FGFR1OP2: variants seen among roughly 807,000 people sequenced by gnomAD.
The protein encoded by FGFR1OP2 is FGFR1 oncogene partner 2.
In FGFR1OP2, 17 loss-of-function variants were observed where a neutral mutation model predicts 35.2. The observed-to-expected ratio is 0.48, with a 90% CI of 0.33 to 0.73. The LOEUF is 0.73. Ranked by LOEUF, FGFR1OP2 falls within the 30% of genes least tolerant of loss-of-function variation. FGFR1OP2 has a pLI of 0.02. For missense variants in FGFR1OP2, 251 were observed against 307.3 expected (o/e 0.82, Z 1.37); for synonymous variants, 105 against 104.6 (o/e 1.00, Z -0.03).
chr12:26,964,281 TAAATC>T (rs1186848554), intron 6 of FGFR1OP2, among the ~76,000 whole-genome samples: 1 of 152,118 alleles, frequency 6.6e-6, no homozygotes, highest in Admixed American at 6.5e-5. Flanking sequence ...TATATAAAAA[TAAATC>T]TAGATGTTAT....
chr12:26,949,732 C>G (rs149040204), intron 1 of FGFR1OP2, among the ~76,000 whole-genome samples: 16,267 of 152,056 alleles, frequency 0.11, 1,201 homozygotes, highest in Admixed American at 0.22. Context: ...GCGCATGCCA[C>G]CACACCCAGC....
chr12:26,938,887 C>G (rs748453684), intron 1 of FGFR1OP2, among the ~76,000 whole-genome samples, 177 bp downstream of exon 1: 3 of 152,152 alleles, frequency 2.0e-5, no homozygotes, highest in Non-Finnish European at 2.9e-5. Flanking sequence ...TCTCCGCGCC[C>G]CCCGACTCCG....
At chr12:26,955,915 A>G (rs1037369878) in intron 2 of FGFR1OP2, among the ~76,000 whole-genome samples, 10 of 152,208 alleles carry the variant, frequency 6.6e-5, no homozygotes, top group African/African-American at 2.4e-4. Flanking sequence ...CAAAGCAGCT[A>G]TGCCAAGCTT....
intron 1 of FGFR1OP2, among the ~76,000 whole-genome samples, chr12:26,941,063 G>C (rs899047917): frequency 6.6e-6 from 1 of 151,670 alleles, no homozygotes; most frequent in Non-Finnish European, 1.5e-5. Context: ...GTGGTAAAGT[G>C]GGCGAGAATG....
intron 1 of FGFR1OP2, among the ~76,000 whole-genome samples, chr12:26,952,004 C>T (rs552129930): frequency 1.3e-5 from 2 of 151,718 alleles, no homozygotes; most frequent in Non-Finnish European, 2.9e-5. Flanking sequence ...ATTACTTTCA[C>T]CATCTGTTAT....
In FGFR1OP2 at chr12:26,958,132, A is replaced by T. The variant is rs370210646; in HGVS notation, c.396+389A>T. On this transcript the variant is annotated intron_variant, in intron 4 of 6. Coordinates refer to ENST00000229395, the MANE Select transcript of FGFR1OP2 (RefSeq NM_015633.3). ...TCCCAGCACTTTGGGAGGCCAAGGC[A>T]GGAGGATCACTTGAGGCCAGAAGTT... Among the ~76,000 whole-genome samples the T allele has an allele frequency of 3.6e-4, 55 of 152,312 alleles. No individual in the cohort carries two copies. In the South Asian group the frequency reaches 5.8e-3, roughly 16 times the overall value.
intron 4 of FGFR1OP2, among the ~76,000 whole-genome samples, chr12:26,958,204 TA>T (rs370710734): frequency 1.8e-4 from 28 of 152,164 alleles, no homozygotes; most frequent in African/African-American, 6.7e-4. Context: ...CTTCAAAAAG[TA>T]AAAAAATTAG....
chr12:26,940,240 A>G (rs915605615), intron 1 of FGFR1OP2, among the ~76,000 whole-genome samples: 1 of 152,208 alleles, frequency 6.6e-6, no homozygotes, highest in African/African-American at 2.4e-5. Context: ...CTTTGAACAT[A>G]TGTATGTGAA....
intron 1 of FGFR1OP2, among the ~76,000 whole-genome samples, chr12:26,950,316 G>A (rs895996891): frequency 2.7e-4 from 35 of 130,894 alleles, no homozygotes; most frequent in African/African-American, 9.7e-4. Context: ...TCCGCCTCCC[G>A]GGTTCACGCT....
rs550365315 is a variant in FGFR1OP2, at chr12:26,944,362, G to T, written c.-15+5652G>T. Among the ~76,000 whole-genome samples the T allele has an allele frequency of 1.4e-4, 22 of 152,270 alleles. 1 individual carries two copies. In the East Asian group the frequency reaches 2.5e-3, roughly 17 times the overall value. ...CCTAATTTTATTGGGAAAGCAGTCA[G>T]TCATTCATTATGAAGTATGACGTTT... On this transcript the variant is annotated intron_variant, in intron 1 of 6. Coordinates refer to ENST00000229395, the MANE Select transcript of FGFR1OP2 (RefSeq NM_015633.3).
chr12:26,962,771 T>C (rs17486118), intron 5 of FGFR1OP2: 16,119 of 152,268 alleles, frequency 0.11, 1,051 homozygotes, highest in South Asian at 0.16. Context: ...GGCCATTTAA[T>C]ATTTTAATAC....
intron 1 of FGFR1OP2, among the ~76,000 whole-genome samples, chr12:26,939,236 A>T (rs1164100711): frequency 2.7e-5 from 4 of 148,220 alleles, no homozygotes. Context: ...GCACTGTATT[A>T]TTTTTTTTTT....
intron 4 of FGFR1OP2, 76 bp from the exon 5 acceptor site, chr12:26,960,439 G>A (rs1939086322): frequency 7.5e-6 from 7 of 933,414 alleles, no homozygotes; most frequent in East Asian, 2.8e-5. Flanking sequence ...TGGCTAACAC[G>A]CATGAACTAA....
At chr12:26,947,974 A>G (rs912944502) in intron 1 of FGFR1OP2, among the ~76,000 whole-genome samples, 1 of 152,092 alleles carries the variant, frequency 6.6e-6, no homozygotes, top group Admixed American at 6.5e-5. Context: ...AGTTTTGACT[A>G]TTATCTCTGT....
intron 5 of FGFR1OP2, chr12:26,962,631 A>G (rs1390276402): frequency 6.6e-6 from 1 of 152,236 alleles, no homozygotes; most frequent in Non-Finnish European, 1.5e-5. Context: ...GTTGTTTAGC[A>G]TAGTACTGGC....
intron 1 of FGFR1OP2, among the ~76,000 whole-genome samples, chr12:26,942,231 C>T (rs946363382): frequency 1.3e-5 from 2 of 152,092 alleles, no homozygotes; most frequent in Non-Finnish European, 2.9e-5. Flanking sequence ...CAGGGTTTCA[C>T]CATGTTGGTC....
intron 3 of FGFR1OP2, 92 bp from the exon 4 acceptor site, chr12:26,957,509 A>C: frequency 8.7e-7 from 1 of 1,154,586 alleles, no homozygotes; most frequent in Non-Finnish European, 1.2e-6. Context: ...TTTTCTTTTT[A>C]AAATGTCCCG....
In FGFR1OP2 at chr12:26,949,876, G is replaced by A. The variant is rs1182396740; in HGVS notation, c.-14-4269G>A. ...ATTACAGGAGTGAGCCACCGTGCCT[G>A]GCCCTGTTTGAGGTGTTATGTGGTA... On this transcript the variant is annotated intron_variant, in intron 1 of 6. Transcript: ENST00000229395. Among the ~76,000 whole-genome samples, 3 of 152,178 alleles carry A rather than the reference G, an allele frequency of 2.0e-5. No individual in the cohort carries two copies. In the East Asian group the frequency reaches 5.8e-4, roughly 29 times the overall value.
rs906481399 is a variant in FGFR1OP2 at position 26,941,709 on chromosome 12, G to A, written c.-15+2999G>A. The stretch of plus-strand genomic sequence containing the variant: ...TGACACCTAATTAAAATGGTTGCTA[G>A]GCTGTTATGTCTGGAAAATATTTGA... On this transcript the variant is annotated intron_variant, in intron 1 of 6. Coordinates refer to ENST00000229395, the MANE Select transcript of FGFR1OP2 (RefSeq NM_015633.3). 2.6e-5 allele frequency among the ~76,000 whole-genome samples: 4 copies of A among 152,154 alleles called. No homozygotes were observed. In the East Asian group the frequency reaches 7.7e-4, roughly 29 times the overall value.
Sources: gnomAD v4.1 joint callset for allele counts (sites outside exome capture counted in the v4.1 genomes callset) on GRCh38, gnomAD v4.1.1 for gene constraint, MANE v1.5 for transcripts, NCBI Gene and HGNC (gene_info 2026-07-23, HGNC 2026-07-21) for gene names.